EPHA3: variants seen among roughly 807,000 people sequenced by gnomAD.
The protein encoded by EPHA3 is ephrin type-A receptor 3.
EPHA3 carries 42 observed loss-of-function variants against 107.1 expected under a neutral mutation model. The ratio of observed to expected loss-of-function variants is 0.39; its 90% CI spans 0.31 to 0.51. The LOEUF (loss-of-function observed/expected upper bound fraction) is 0.51. Among genes scored for constraint, EPHA3 ranks in the 20% least tolerant of loss-of-function variants. The pLI, the probability that EPHA3 is intolerant of heterozygous loss-of-function variation, is 0.78. For missense variants in EPHA3, 1,183 were observed against 1,211.2 expected (o/e 0.98, Z 0.35); for synonymous variants, 461 against 424.8 (o/e 1.09, Z -1.05).
chr3:89,435,760 C>A (rs753472517), intron 13 of EPHA3, among the ~76,000 whole-genome samples: 97 of 150,166 alleles, frequency 6.5e-4, no homozygotes, highest in Admixed American at 2.0e-3. Context: ...CAAGACCAGC[C>A]TGGCCAACAT....
intron 3 of EPHA3, among the ~76,000 whole-genome samples, chr3:89,302,283 T>C (rs1479922068): frequency 1.3e-5 from 2 of 152,156 alleles, no homozygotes; most frequent in Admixed American, 6.6e-5. Flanking sequence ...TCTATTTATA[T>C]GGTGACATGG....
intron 3 of EPHA3, among the ~76,000 whole-genome samples, chr3:89,287,559 T>G (rs2107323605): frequency 6.6e-6 from 1 of 152,178 alleles, no homozygotes; most frequent in African/African-American, 2.4e-5. Flanking sequence ...CCAGAGTAAC[T>G]CTAGTATTCT....
chr3:89,132,422 T>G (rs1175075193), intron 2 of EPHA3, among the ~76,000 whole-genome samples: 1 of 152,244 alleles, frequency 6.6e-6, no homozygotes, highest in African/African-American at 2.4e-5. Context: ...TTGTATATTA[T>G]AGTGTTATTT....
chr3:89,317,525 AATCTCT>A (rs1706936723), intron 3 of EPHA3, among the ~76,000 whole-genome samples: 1 of 151,832 alleles, frequency 6.6e-6, no homozygotes. Context: ...GGCCAGTCTT[AATCTCT>A]ATCTATACCA....
At chr3:89,263,026 G>A (rs1030761256) in intron 3 of EPHA3, among the ~76,000 whole-genome samples, 36 of 140,854 alleles carry the variant, frequency 2.6e-4, no homozygotes, top group Non-Finnish European at 3.5e-4. Flanking sequence ...ATGTGCAGAA[G>A]GTGCAGGTTT....
intron 2 of EPHA3, among the ~76,000 whole-genome samples, chr3:89,137,362 T>G (rs1704335612): frequency 6.6e-6 from 1 of 151,972 alleles, no homozygotes; most frequent in Non-Finnish European, 1.5e-5. Flanking sequence ...ATTTAAAATA[T>G]TGCCTCCTTT....
At chr3:89,116,178 A>T (rs547099630) in intron 1 of EPHA3, among the ~76,000 whole-genome samples, 1 of 152,112 alleles carries the variant, frequency 6.6e-6, no homozygotes, top group Non-Finnish European at 1.5e-5. Flanking sequence ...CTTTCCTGAC[A>T]CTCAAACACT....
rs557881442 is a variant in EPHA3 at position 89,108,523 on chromosome 3, T to A, written c.88+687T>A. Among the ~76,000 whole-genome samples, 39 of 152,352 alleles carry A rather than the reference T, an allele frequency of 2.6e-4. 1 individual carries two copies. The highest frequency in any genetic ancestry group is 7.5e-4 in the African/African-American group (31 of 41,582). ...GCTTATATACAAATAGGAGAATGTATTTAATGAATAGTGGATAGCTCCTGG... is the reference window on the plus strand; with the variant it reads ...GCTTATATACAAATAGGAGAATGTAATTAATGAATAGTGGATAGCTCCTGG... On this transcript the variant is annotated intron_variant, in intron 1 of 16. Transcript: ENST00000336596.
chr3:89,123,733 T>G (rs1359023179), intron 1 of EPHA3, among the ~76,000 whole-genome samples: 1 of 152,228 alleles, frequency 6.6e-6, no homozygotes, highest in Non-Finnish European at 1.5e-5. Flanking sequence ...AAAACTCCAG[T>G]TATTTATTTA....
At chr3:89,414,121 T>G (rs1709203841) in intron 10 of EPHA3, among the ~76,000 whole-genome samples, 1 of 151,652 alleles carries the variant, frequency 6.6e-6, no homozygotes, top group African/African-American at 2.4e-5. Flanking sequence ...GATCACATTT[T>G]CTGCAAGTAC....
intron 3 of EPHA3, among the ~76,000 whole-genome samples, chr3:89,269,043 A>G (rs1576278412): frequency 6.6e-6 from 1 of 152,250 alleles, no homozygotes; most frequent in East Asian, 1.9e-4. Flanking sequence ...TACTACTTTT[A>G]CTTTTCTATT....
chr3:89,313,271 G>C (rs1015400910), intron 3 of EPHA3, among the ~76,000 whole-genome samples: 2 of 151,780 alleles, frequency 1.3e-5, no homozygotes, highest in Admixed American at 6.6e-5. Flanking sequence ...ATTGGATCTT[G>C]ATTTTTAAAT....
intron 2 of EPHA3, among the ~76,000 whole-genome samples, chr3:89,136,974 G>C (rs1704327794): frequency 6.6e-6 from 1 of 151,600 alleles, no homozygotes; most frequent in African/African-American, 2.4e-5. Context: ...CTGTTTTGTT[G>C]TGCAACTTCA....
intron 5 of EPHA3, among the ~76,000 whole-genome samples, chr3:89,393,615 C>T (rs1708788262): frequency 6.6e-6 from 1 of 152,140 alleles, no homozygotes; most frequent in Non-Finnish European, 1.5e-5. Flanking sequence ...TTGAAACCAA[C>T]ATTAAATGTG....
At chr3:89,417,184 A>G (rs1709266297) in intron 10 of EPHA3, among the ~76,000 whole-genome samples, 1 of 151,458 alleles carries the variant, frequency 6.6e-6, no homozygotes, top group African/African-American at 2.4e-5. Flanking sequence ...TGAGGTAGAT[A>G]CAATAAGTGT....
chr3:89,219,693 TTTTTTTTTTGTTTTTTG>T lies in EPHA3; in HGVS notation c.814+9183_814+9199del, dbSNP rs1402981392. Among the ~76,000 whole-genome samples the T allele has an allele frequency of 2.9e-3, 34 of 11,812 alleles. 6 individuals are homozygous for T. The highest frequency in any genetic ancestry group is 0.012 in the African/African-American group (30 of 2,448). The allele number at this position is 11,812 out of a possible 152,430, so 7.7% of individuals were successfully genotyped here. On this transcript the variant is annotated intron_variant, in intron 3 of 16. Coordinates refer to ENST00000336596, the MANE Select transcript of EPHA3 (RefSeq NM_005233.6). ...TCCAAGAGGCATTTGGCAATGTTTT[TTTTTTTTTTGTTTTTTG>T]TTTTTTTTTTTTTTTTGAGACGGAG...
At chr3:89,192,889 A>G (rs932200778) in intron 2 of EPHA3, among the ~76,000 whole-genome samples, 8 of 152,120 alleles carry the variant, frequency 5.3e-5, no homozygotes, top group African/African-American at 1.9e-4. Context: ...TAGCCTCATC[A>G]GATTAGGATA....
intron 2 of EPHA3, among the ~76,000 whole-genome samples, chr3:89,150,123 C>T (rs1009563502): frequency 3.3e-5 from 5 of 151,880 alleles, no homozygotes; most frequent in Admixed American, 6.6e-5. Flanking sequence ...TGATTCTTAA[C>T]GGATATTGAT....
chr3:89,123,432 C>T (rs545970205), intron 1 of EPHA3, among the ~76,000 whole-genome samples: 2 of 152,146 alleles, frequency 1.3e-5, no homozygotes, highest in South Asian at 4.2e-4. Context: ...CATGAGCCAC[C>T]GCGCCCGCCA....
Sources: allele counts gnomAD v4.1 joint callset (sites outside exome capture counted in the v4.1 genomes callset), GRCh38; gene constraint gnomAD v4.1.1; transcripts MANE v1.5; gene names NCBI Gene and HGNC (gene_info 2026-07-23, HGNC 2026-07-21).